The following S100Z variants were observed in gnomAD, a reference collection of about 807,000 sequenced individuals.
S100Z encodes the protein protein S100-Z.
Under a neutral mutation model 8.5 loss-of-function variants are expected in S100Z, and 11 were observed. The observed-to-expected ratio is 1.30, with a 90% confidence interval of 0.82 to 2.15. S100Z has a LOEUF of 2.15. S100Z is among the 30% of genes most tolerant of loss of function. The pLI is 0.00. For missense variants in S100Z, 126 were observed against 117.9 expected, an observed-to-expected ratio of 1.07 and a Z score of -0.32; for synonymous variants, 34 against 43.8, an observed-to-expected ratio of 0.78 and a Z score of 0.89.
intron 4 of S100Z, among the ~76,000 whole-genome samples, chr5:76,878,988 T>G (rs1018659380): frequency 6.6e-6 from 1 of 152,176 alleles, no homozygotes; most frequent in Non-Finnish European, 1.5e-5. Context: ...AGAACCCTGG[T>G]TTGTGCAGGG....
chr5:76,873,573 C>T (rs1327613322), intron 2 of S100Z, among the ~76,000 whole-genome samples: 1 of 152,124 alleles, frequency 6.6e-6, no homozygotes, highest in Non-Finnish European at 1.5e-5. Context: ...GCTGGGATTA[C>T]AGGATTGAGC....
chr5:76,879,908 C>T (rs1020601385), intron 4 of S100Z, among the ~76,000 whole-genome samples: 15 of 152,006 alleles, frequency 9.9e-5, no homozygotes, highest in African/African-American at 1.9e-4. Context: ...GGTTGTCTCA[C>T]GCATCTGTGT....
the S100Z span, among the ~76,000 whole-genome samples, chr5:76,928,490 T>A: frequency 6.6e-6 from 1 of 152,180 alleles, no homozygotes; most frequent in Non-Finnish European, 1.5e-5. Context: ...GGAGCAGGGG[T>A]GAGCTGGGAA....
In S100Z at chr5:76,919,907, A is replaced by ATT. The variant is rs1184233230; in HGVS notation, c.*3-792_*3-791dup. ...GTGTGAACCACCATGCCCAGCTTTC[A>ATT]TTTTTTTTTTTTTTTTTTTGAGACA... On this transcript the variant is annotated intron_variant, in intron 4 of 4. Coordinates refer to ENST00000317593, the MANE Select transcript of S100Z (RefSeq NM_130772.4). 2.2e-3 allele frequency among the ~76,000 whole-genome samples: 273 copies of ATT among 122,208 alleles called. 4 individuals carry two copies. The highest frequency in any genetic ancestry group is 0.02 in the East Asian group (84 of 4,202). 80.2% of individuals were successfully genotyped at this position (122,208 alleles called of 152,430 possible).
intron 4 of S100Z, among the ~76,000 whole-genome samples, chr5:76,915,595 G>A (rs1367901018): frequency 6.6e-6 from 1 of 151,904 alleles, no homozygotes; most frequent in Admixed American, 6.6e-5. Context: ...GCAACAGAGC[G>A]AGACTCCGTC....
intron 4 of S100Z, among the ~76,000 whole-genome samples, chr5:76,888,668 G>A (rs911177626): frequency 3.3e-5 from 5 of 151,994 alleles, no homozygotes; most frequent in Non-Finnish European, 7.4e-5. Context: ...GAGCCACCGC[G>A]CCCAGCCATA....
intron 3 of S100Z, among the ~76,000 whole-genome samples, chr5:76,876,781 G>A (rs957951907): frequency 7.9e-5 from 12 of 152,160 alleles, no homozygotes; most frequent in African/African-American, 2.9e-4. Context: ...AGTTGGTTTT[G>A]ATCAATTAAG....
At chr5:76,880,693 C>A (rs915842431) in intron 4 of S100Z, among the ~76,000 whole-genome samples, 2 of 152,116 alleles carry the variant, frequency 1.3e-5, no homozygotes. Context: ...CCAGGACATC[C>A]AATTACAGAG....
chr5:76,928,205 T>C, the S100Z span, among the ~76,000 whole-genome samples: 2 of 152,214 alleles, frequency 1.3e-5, no homozygotes, highest in Non-Finnish European at 2.9e-5. Flanking sequence ...TACAGCTTTT[T>C]GGTCCTCCAC....
chr5:76,857,842 A>G lies in S100Z; in HGVS notation c.-176+7687A>G, dbSNP rs566699868. ...AACCAAAGCTGCAGTCTTCTACAAG[A>G]AATTTCTTACCCAAGAGTTTTTAGA... On this transcript the variant is annotated intron_variant, in intron 1 of 4. Coordinates refer to ENST00000317593, the MANE Select transcript of S100Z (RefSeq NM_130772.4). Among the ~76,000 whole-genome samples the G allele has an allele frequency of 5.3e-5, 8 of 152,242 alleles. No homozygotes were observed. The South Asian group carries it at 1.7e-3, about 32-fold the overall frequency.
rs1452580473 is a variant in S100Z at position 76,870,176 on chromosome 5, C to G, written c.-165C>G. ...ATTTCTGCTTGCCAGTGTAATTTCA[C>G]AAGCCCCTGACTCTGTGTAGACACC... On this transcript the variant is annotated 5_prime_UTR_variant, in exon 2 of 5. Transcript: ENST00000317593. The G allele has an allele frequency of 6.6e-6, 1 of 152,244 alleles. No individual in the cohort carries two copies. The highest frequency in any genetic ancestry group is 6.5e-5 in the Admixed American group (1 of 15,276). The allele number at this position is 152,244 out of a possible 1,614,324, so 9.4% of individuals were successfully genotyped here.
intron 4 of S100Z, among the ~76,000 whole-genome samples, chr5:76,917,146 G>C (rs1259432246): frequency 7.1e-6 from 1 of 141,364 alleles, no homozygotes; most frequent in Admixed American, 6.9e-5. Flanking sequence ...AAAAAAAAAG[G>C]ATATTTCAAA....
intron 4 of S100Z, among the ~76,000 whole-genome samples, chr5:76,915,222 G>T (rs970883356): frequency 2.0e-5 from 3 of 149,916 alleles, no homozygotes; most frequent in Non-Finnish European, 3.0e-5. Flanking sequence ...AGGAGAATGC[G>T]TAAACCTGGG....
the S100Z span, among the ~76,000 whole-genome samples, chr5:76,930,194 T>C: frequency 6.6e-6 from 1 of 152,180 alleles, no homozygotes; most frequent in African/African-American, 2.4e-5. Context: ...TTTCCTAAAT[T>C]CGTCTGTGCT....
chr5:76,925,692 C>T (rs1004427602), downstream of S100Z, among the ~76,000 whole-genome samples: 3 of 151,992 alleles, frequency 2.0e-5, no homozygotes, highest in Admixed American at 2.0e-4. Context: ...TAAAGCCAGG[C>T]GTGGTGGCTC....
Position 76,857,248 on chromosome 5 carries a change from C to T in S100Z, c.-176+7093C>T, listed in dbSNP as rs144877688. 1.3e-3 allele frequency among the ~76,000 whole-genome samples: 196 copies of T among 151,944 alleles called. 3 individuals carry two copies. The East Asian group carries it at 0.021, about 16-fold the overall frequency. On this transcript the variant is annotated intron_variant, in intron 1 of 4. Coordinates refer to ENST00000317593, the MANE Select transcript of S100Z (RefSeq NM_130772.4). The stretch of plus-strand genomic sequence containing the variant: ...TGGAGGTTGCAGTGAGCCGAGATTG[C>T]GCCACTGCACTCCAGCCTGGGCAAC...
intron 1 of S100Z, among the ~76,000 whole-genome samples, chr5:76,865,137 T>G (rs9293697): frequency 0.61 from 91,935 of 151,762 alleles, 27,940 homozygotes; most frequent in East Asian, 0.67. Context: ...GGTGTTATTG[T>G]CCCTGAGACC....
intron 1 of S100Z, among the ~76,000 whole-genome samples, chr5:76,867,415 C>T (rs1036331349): frequency 1.3e-5 from 2 of 152,132 alleles, no homozygotes; most frequent in Non-Finnish European, 2.9e-5. Flanking sequence ...CTGGGGGTAT[C>T]CTCAGTCTAA....
At chr5:76,864,940 C>T (rs1751213645) in intron 1 of S100Z, among the ~76,000 whole-genome samples, 1 of 152,122 alleles carries the variant, frequency 6.6e-6, no homozygotes, top group Non-Finnish European at 1.5e-5. Flanking sequence ...AACTCCTGAC[C>T]TCATGATCAG....
Sources: gnomAD v4.1 joint callset for allele counts (sites outside exome capture counted in the v4.1 genomes callset) on GRCh38, gnomAD v4.1.1 for gene constraint, MANE v1.5 for transcripts, NCBI Gene and HGNC (gene_info 2026-07-23, HGNC 2026-07-21) for gene names.